PARVA: variants seen among roughly 807,000 people sequenced by gnomAD.
PARVA encodes the protein parvin alpha.
Under a neutral mutation model 52.6 loss-of-function variants are expected in PARVA, and 25 were observed. The observed-to-expected ratio is 0.48, with a 90% CI of 0.35 to 0.66. The LOEUF is 0.66. Among genes scored for constraint, PARVA ranks in the 30% least tolerant of loss-of-function variants. The pLI is 0.01. For missense variants in PARVA, 373 were observed against 450.9 expected (o/e 0.83, Z 1.56); for synonymous variants, 185 against 179.1 (o/e 1.03, Z -0.26).
chr11:12,488,038 G>T (rs1414018991), intron 4 of PARVA, among the ~76,000 whole-genome samples: 1 of 152,142 alleles, frequency 6.6e-6, no homozygotes, highest in East Asian at 1.9e-4. Flanking sequence ...CCCATCAGTA[G>T]ATATCAAATA....
intron 5 of PARVA, among the ~76,000 whole-genome samples, chr11:12,501,870 A>G (rs140655976): frequency 9.9e-4 from 141 of 142,872 alleles, no homozygotes; most frequent in African/African-American, 3.2e-3. Context: ...ATGGTGTACA[A>G]TGTCACCAGG....
intron 4 of PARVA, among the ~76,000 whole-genome samples, chr11:12,484,507 GTGTGTGTGTGTGTGTGT>G (rs1941132115): frequency 4.6e-4 from 2 of 4,366 alleles, no homozygotes; most frequent in African/African-American, 5.0e-4. Context: ...TTGTTTTGGT[GTGTGTGTGTGTGTGTGT>G]GTGTGTGTGT....
rs560500689 is a variant in PARVA, at chr11:12,533,843, G to T, written c.*5918G>T. Among the ~76,000 whole-genome samples, 2 of 151,658 alleles carry T rather than the reference G, an allele frequency of 1.3e-5. No homozygotes were observed. Among genetic ancestry groups the T allele is most frequent in the South Asian group, 4.2e-4 (2 of 4,768 alleles). On this transcript the variant is annotated 3_prime_UTR_variant, in exon 13 of 13. Transcript: ENST00000334956. Reference sequence around the variant, plus strand: ...GGAGGAGGAGGAGGAGTAGGGGTTGGTCTTGCTGTCTGAGGGGTGGCAGAG... The same window carrying T: ...GGAGGAGGAGGAGGAGTAGGGGTTGTTCTTGCTGTCTGAGGGGTGGCAGAG...
intron 1 of PARVA, among the ~76,000 whole-genome samples, chr11:12,465,927 C>G (rs926407320): frequency 6.6e-6 from 1 of 152,162 alleles, no homozygotes; most frequent in Non-Finnish European, 1.5e-5. Flanking sequence ...TAAGAAAACA[C>G]CAAAGTGGCT....
intron 11 of PARVA, 66 bp from the exon 12 acceptor site, chr11:12,518,379 C>T (rs2135083876): frequency 1.6e-6 from 2 of 1,252,202 alleles, no homozygotes; most frequent in East Asian, 2.3e-5. Context: ...TCCTTCACTT[C>T]CCAGGGCCAG....
chr11:12,498,224 C>T (rs1941323328), intron 5 of PARVA, among the ~76,000 whole-genome samples: 1 of 151,966 alleles, frequency 6.6e-6, no homozygotes, highest in Non-Finnish European at 1.5e-5. Flanking sequence ...TTACTAGAGA[C>T]AGGGTTTCAC....
chr11:12,470,637 A>ACTCTCTCCCT (rs1940920654), intron 1 of PARVA, among the ~76,000 whole-genome samples: 4 of 152,184 alleles, frequency 2.6e-5, no homozygotes, highest in Admixed American at 2.0e-4. Context: ...GAGAGAGTTA[A>ACTCTCTCCCT]CAGCCATATA....
In PARVA at chr11:12,531,517, C is replaced by T. The variant is rs557005265; in HGVS notation, c.*3592C>T. Among the ~76,000 whole-genome samples, 12 of 152,214 alleles carry T rather than the reference C, an allele frequency of 7.9e-5. No homozygotes were observed. The highest frequency in any genetic ancestry group is 2.6e-4 in the Admixed American group (4 of 15,278). On this transcript the variant is annotated 3_prime_UTR_variant, in exon 13 of 13. Coordinates refer to ENST00000334956, the MANE Select transcript of PARVA (RefSeq NM_018222.5). Reference sequence around the variant, plus strand: ...CTAGAACAAATGTATACATAATCCACTCCCCACAAATTATCACTCATTTAT... The same window carrying T: ...CTAGAACAAATGTATACATAATCCATTCCCCACAAATTATCACTCATTTAT...
intron 6 of PARVA, among the ~76,000 whole-genome samples, chr11:12,507,896 G>T (rs1431614970): frequency 6.6e-6 from 1 of 151,924 alleles, no homozygotes; most frequent in African/African-American, 2.4e-5. Flanking sequence ...CTCCAGCACA[G>T]GGCCTTGTAC....
At chr11:12,510,666 T>C (rs547184670) in intron 7 of PARVA, among the ~76,000 whole-genome samples, 164 of 152,236 alleles carry the variant, frequency 1.1e-3, no homozygotes, top group Middle Eastern at 0.01. Context: ...TCTTACATGG[T>C]GGTGGCAGAG....
intron 1 of PARVA, among the ~76,000 whole-genome samples, chr11:12,439,261 C>A (rs1023826637): frequency 6.6e-6 from 1 of 152,058 alleles, no homozygotes; most frequent in Non-Finnish European, 1.5e-5. Context: ...AACTCCTTGG[C>A]CAGTGGTTCT....
chr11:12,534,060 CA>C lies in PARVA; in HGVS notation c.*6136del, dbSNP rs1336261077. Among the ~76,000 whole-genome samples, 1 of 151,996 alleles carries C rather than the reference CA, an allele frequency of 6.6e-6. No homozygotes were observed. Among genetic ancestry groups the C allele is most frequent in the Non-Finnish European group, 1.5e-5 (1 of 67,974 alleles). On this transcript the variant is annotated 3_prime_UTR_variant, in exon 13 of 13. Transcript: ENST00000334956. ...GTGCGTGCCTGTAATCCCAGCTACT[CA>C]GGGGGCTGAGGCAGAAGTATTGCTT...
intron 1 of PARVA, among the ~76,000 whole-genome samples, chr11:12,453,477 G>A (rs1940651507): frequency 6.6e-6 from 1 of 152,128 alleles, no homozygotes; most frequent in Non-Finnish European, 1.5e-5. Context: ...AGTAGAGAGG[G>A]TGTTGTCATT....
intron 1 of PARVA, among the ~76,000 whole-genome samples, chr11:12,378,035 C>T (rs1035453244): frequency 6.7e-6 from 1 of 149,630 alleles, no homozygotes; most frequent in East Asian, 2.0e-4. Context: ...CCTCCTGGGC[C>T]GGGGACCAGG....
chr11:12,478,148 G>A (rs1941040890), intron 4 of PARVA, 199 bp downstream of exon 4: 1 of 668,184 alleles, frequency 1.5e-6, no homozygotes, highest in African/African-American at 1.8e-5. Flanking sequence ...ATTGTAGAGG[G>A]AGTCTCCATG....
intron 12 of PARVA, among the ~76,000 whole-genome samples, chr11:12,522,028 T>C (rs1246628911): frequency 6.6e-6 from 1 of 152,202 alleles, no homozygotes; most frequent in African/African-American, 2.4e-5. Context: ...ATTTATGTTG[T>C]TTTTAGGCCA....
At chr11:12,381,939 A>G (rs1307886294) in intron 1 of PARVA, among the ~76,000 whole-genome samples, 3 of 152,048 alleles carry the variant, frequency 2.0e-5, no homozygotes, top group African/African-American at 7.3e-5. Flanking sequence ...TTAGAGTCCC[A>G]TGGTGTTAGT....
rs113797617 is a variant in PARVA, at chr11:12,445,293, C to T, written c.137-28452C>T. Reference sequence around the variant, plus strand: ...GCTGTTATTGCTCCTAAGCCTGAAACGGGAGGGATGTGAATGGTTACTAAA... The same window carrying T: ...GCTGTTATTGCTCCTAAGCCTGAAATGGGAGGGATGTGAATGGTTACTAAA... On this transcript the variant is annotated intron_variant, in intron 1 of 12. Coordinates refer to ENST00000334956, the MANE Select transcript of PARVA (RefSeq NM_018222.5). Among the ~76,000 whole-genome samples, 158 of 152,144 alleles carry T rather than the reference C, an allele frequency of 1.0e-3. 1 individual carries two copies. Among genetic ancestry groups the T allele is most frequent in the African/African-American group, 3.7e-3 (155 of 41,518 alleles).
intron 4 of PARVA, among the ~76,000 whole-genome samples, chr11:12,490,265 T>G (rs1941218082): frequency 6.8e-6 from 1 of 147,256 alleles, no homozygotes; most frequent in South Asian, 2.1e-4. Flanking sequence ...GACTCACGCC[T>G]GTAATCCCAG....
Sources: gnomAD v4.1 joint callset for allele counts (sites outside exome capture counted in the v4.1 genomes callset) on GRCh38, gnomAD v4.1.1 for gene constraint, MANE v1.5 for transcripts, NCBI Gene and HGNC (gene_info 2026-07-23, HGNC 2026-07-21) for gene names.